The following PRKCE variants were observed in gnomAD, a reference collection of about 807,000 sequenced individuals.
PRKCE encodes the protein protein kinase C epsilon.
Under a neutral mutation model 85.4 loss-of-function variants are expected in PRKCE, and 16 were observed. The observed-to-expected ratio is 0.19, with a 90% CI of 0.13 to 0.28. The LOEUF (loss-of-function observed/expected upper bound fraction) is 0.28. PRKCE is among the 10% of genes least tolerant of loss of function. The pLI, the probability that PRKCE is intolerant of heterozygous loss-of-function variation, is 1.00. For synonymous variants in PRKCE, 388 were observed against 371.5 expected (o/e 1.04, Z -0.51); for missense variants, 573 against 975.2 (o/e 0.59, Z 5.49).
chr2:46,120,095 A>G (rs1052781879), intron 11 of PRKCE, among the ~76,000 whole-genome samples: 5 of 152,204 alleles, frequency 3.3e-5, no homozygotes, highest in Admixed American at 6.5e-5. Flanking sequence ...CTTCTCCCCA[A>G]CATGAAGCTC....
chr2:45,785,805 C>T (rs1352098829), intron 1 of PRKCE, among the ~76,000 whole-genome samples: 1 of 152,150 alleles, frequency 6.6e-6, no homozygotes, highest in African/African-American at 2.4e-5. Context: ...TCAACCCAGG[C>T]CGAGGAAGCA....
chr2:45,717,938 G>A (rs888647122), intron 1 of PRKCE, among the ~76,000 whole-genome samples: 8 of 152,200 alleles, frequency 5.3e-5, no homozygotes, highest in African/African-American at 1.4e-4. Context: ...TTAAAGGAAA[G>A]GCTCCTTTTA....
intron 11 of PRKCE, among the ~76,000 whole-genome samples, chr2:46,099,265 T>C (rs569430830): frequency 5.9e-5 from 9 of 152,236 alleles, no homozygotes; most frequent in African/African-American, 2.2e-4. Context: ...CTGATCTCTT[T>C]CTACCCCACA....
chr2:45,972,093 C>A (rs983626759), intron 2 of PRKCE, among the ~76,000 whole-genome samples: 1 of 152,172 alleles, frequency 6.6e-6, no homozygotes, highest in Non-Finnish European at 1.5e-5. Flanking sequence ...AGTGAACAAG[C>A]GTTCGCTCTT....
chr2:45,934,889 C>CA (rs35925836), intron 2 of PRKCE, among the ~76,000 whole-genome samples: 40,303 of 108,670 alleles, frequency 0.37, 5,979 homozygotes, highest in Middle Eastern at 0.44. Context: ...CATGTCTCTA[C>CA]AAAAAAAAAA....
chr2:45,990,795 G>A (rs1039043273), intron 6 of PRKCE, among the ~76,000 whole-genome samples: 1 of 151,494 alleles, frequency 6.6e-6, no homozygotes, highest in Non-Finnish European at 1.5e-5. Context: ...TGGAGTAGCT[G>A]GGACTATAGG....
intron 1 of PRKCE, among the ~76,000 whole-genome samples, chr2:45,801,777 A>G (rs1220759053): frequency 1.3e-5 from 2 of 152,184 alleles, no homozygotes; most frequent in Non-Finnish European, 2.9e-5. Flanking sequence ...TCCATGGGAC[A>G]GGTTGCCAAA....
At chr2:45,915,686 C>T (rs996602256) in intron 2 of PRKCE, among the ~76,000 whole-genome samples, 8 of 152,160 alleles carry the variant, frequency 5.3e-5, no homozygotes, top group African/African-American at 1.2e-4. Flanking sequence ...CTCAGCAGAG[C>T]GTGGTGCTGG....
At chr2:46,097,353 C>G (rs181101595) in intron 11 of PRKCE, among the ~76,000 whole-genome samples, 1,649 of 149,258 alleles carry the variant, frequency 0.011, 29 homozygotes, top group African/African-American at 0.037. Context: ...CCCGTCTCTA[C>G]TAAATATACA....
intron 2 of PRKCE, among the ~76,000 whole-genome samples, chr2:45,936,442 G>A (rs1699462534): frequency 6.6e-6 from 1 of 152,174 alleles, no homozygotes; most frequent in Non-Finnish European, 1.5e-5. Context: ...CTGGCTTGGT[G>A]GCCGTGGGCC....
intron 1 of PRKCE, among the ~76,000 whole-genome samples, chr2:45,770,457 G>T (rs935402430): frequency 6.6e-6 from 1 of 152,068 alleles, no homozygotes; most frequent in Admixed American, 6.5e-5. Context: ...GATATATGGC[G>T]TCCCTTCGGC....
At chr2:45,662,412 C>G (rs1202331787) in intron 1 of PRKCE, among the ~76,000 whole-genome samples, 1 of 152,134 alleles carries the variant, frequency 6.6e-6, no homozygotes, top group Non-Finnish European at 1.5e-5. Context: ...ACCTAGATCT[C>G]ACTTCTTCAG....
At chr2:46,059,597 C>A (rs1666918808) in intron 10 of PRKCE, among the ~76,000 whole-genome samples, 1 of 152,196 alleles carries the variant, frequency 6.6e-6, no homozygotes, top group African/African-American at 2.4e-5. Context: ...ATATTCTAAG[C>A]AGATTTGAGA....
At chr2:45,977,662 G>A (rs566739859) in intron 3 of PRKCE, among the ~76,000 whole-genome samples, 1 of 151,952 alleles carries the variant, frequency 6.6e-6, no homozygotes, top group Admixed American at 6.6e-5. Context: ...AATCTGGAAG[G>A]AGGAGAGGGG....
intron 2 of PRKCE, among the ~76,000 whole-genome samples, chr2:45,964,237 A>T (rs889278494): frequency 1.3e-5 from 2 of 152,154 alleles, no homozygotes; most frequent in Non-Finnish European, 2.9e-5. Context: ...CAGAGACCCT[A>T]CTAAGACTTT....
chr2:45,912,064 A>G (rs748376547), intron 2 of PRKCE, among the ~76,000 whole-genome samples: 1 of 152,114 alleles, frequency 6.6e-6, no homozygotes, highest in Non-Finnish European at 1.5e-5. Flanking sequence ...GTGGAGTTTC[A>G]GGGTCTTTCT....
chr2:45,699,260 G>C (rs988995913), intron 1 of PRKCE, among the ~76,000 whole-genome samples: 1 of 152,040 alleles, frequency 6.6e-6, no homozygotes. Context: ...CCTTTTGCAC[G>C]GACCTCTGCT....
intron 10 of PRKCE, among the ~76,000 whole-genome samples, chr2:46,061,670 T>C (rs1385774797): frequency 6.6e-6 from 1 of 152,086 alleles, no homozygotes; most frequent in African/African-American, 2.4e-5. Flanking sequence ...GCCACCTCCT[T>C]GGTATCTGTA....
At chr2:46,098,617 A>G (rs1320723929) in intron 11 of PRKCE, among the ~76,000 whole-genome samples, 1 of 152,180 alleles carries the variant, frequency 6.6e-6, no homozygotes, top group Non-Finnish European at 1.5e-5. Flanking sequence ...ATATAGGGGA[A>G]TTTGACATCA....
Sources: allele counts gnomAD v4.1 joint callset (sites outside exome capture counted in the v4.1 genomes callset), GRCh38; gene constraint gnomAD v4.1.1; transcripts MANE v1.5; gene names NCBI Gene and HGNC (gene_info 2026-07-23, HGNC 2026-07-21).